The following ATP9B variants were observed in gnomAD, a reference collection of about 807,000 sequenced individuals.
ATP9B encodes the protein ATPase phospholipid transporting 9B.
ATP9B carries 110 observed loss-of-function variants against 146.1 expected under a neutral mutation model. The ratio of observed to expected loss-of-function variants is 0.75; its 90% CI spans 0.65 to 0.88. ATP9B has a LOEUF of 0.88. Ranked by LOEUF, ATP9B falls within the 40% of genes least tolerant of loss-of-function variation. ATP9B has a pLI of 0.00. For synonymous variants in ATP9B, 604 were observed against 569.7 expected (o/e 1.06, Z -0.86); for missense variants, 1,499 against 1,496.4 (o/e 1.00, Z -0.03).
chr18:79,220,051 AGGCTGCTGGGCTGG>A (rs1302532668), intron 11 of ATP9B, among the ~76,000 whole-genome samples: 1 of 152,186 alleles, frequency 6.6e-6, no homozygotes, highest in African/African-American at 2.4e-5. Flanking sequence ...AAGCAGAGAT[AGGCTGCTGGGCTGG>A]TGCAGAGGTT....
At chr18:79,341,285 T>C (rs908134753) in intron 19 of ATP9B, among the ~76,000 whole-genome samples, 8 of 141,984 alleles carry the variant, frequency 5.6e-5, no homozygotes, top group African/African-American at 2.1e-4. Flanking sequence ...GAAGTCTGTG[T>C]TGCCGACACA....
chr18:79,331,226 A>G lies in ATP9B; in HGVS notation c.2028+1122A>G, dbSNP rs373252203. Among the ~76,000 whole-genome samples the G allele has an allele frequency of 5.3e-5, 8 of 152,322 alleles. No individual in the cohort carries two copies. The South Asian group carries it at 8.3e-4, about 16-fold the overall frequency. ...GACCTCAGAGATGGTCTGTCCGTGC[A>G]GCCTCCACACCCCAGTGTTCGCAAC... is the stretch of plus-strand genomic sequence containing the variant. On this transcript the variant is annotated intron_variant, in intron 17 of 29. Transcript: ENST00000426216.
At chr18:79,324,365 C>T (rs1463461090) in intron 15 of ATP9B, among the ~76,000 whole-genome samples, 1 of 152,118 alleles carries the variant, frequency 6.6e-6, no homozygotes, top group Non-Finnish European at 1.5e-5. Flanking sequence ...AGGTCTTATT[C>T]AAGAAGTCTT....
At chr18:79,201,452 AT>A (rs758119675) in intron 9 of ATP9B, among the ~76,000 whole-genome samples, 15 of 152,360 alleles carry the variant, frequency 9.8e-5, no homozygotes, top group Admixed American at 2.6e-4. Context: ...TTAAATAAGA[AT>A]TAGAACAAAT....
chr18:79,257,888 A>C (rs1374379199), intron 12 of ATP9B, among the ~76,000 whole-genome samples: 2 of 152,196 alleles, frequency 1.3e-5, no homozygotes, highest in African/African-American at 4.8e-5. Flanking sequence ...TAAAAGGCCT[A>C]ATGAGAGCTT....
intron 26 of ATP9B, chr18:79,364,024 T>C (rs1313891679): frequency 1.3e-5 from 2 of 151,976 alleles, no homozygotes; most frequent in South Asian, 2.1e-4. Flanking sequence ...TCCCAGCACT[T>C]TGGGAGGCCG....
intron 13 of ATP9B, among the ~76,000 whole-genome samples, chr18:79,281,387 C>T (rs1047139343): frequency 2.6e-5 from 4 of 151,980 alleles, no homozygotes; most frequent in Admixed American, 2.6e-4. Context: ...GTCTTAGCTA[C>T]TCCGGAGGCT....
chr18:79,136,564 G>A (rs2094449919), intron 5 of ATP9B, among the ~76,000 whole-genome samples: 1 of 152,082 alleles, frequency 6.6e-6, no homozygotes, highest in Admixed American at 6.5e-5. Context: ...CAGTGTCAAG[G>A]TTTCCAGTTA....
chr18:79,143,108 A>G (rs2094533799), intron 5 of ATP9B, among the ~76,000 whole-genome samples: 1 of 152,214 alleles, frequency 6.6e-6, no homozygotes. Context: ...AGAGACAGAC[A>G]GAAAGGGAGG....
intron 13 of ATP9B, among the ~76,000 whole-genome samples, chr18:79,296,892 CAGAGAAGACAGAGATGACCCAG>C (rs1183102481): frequency 6.6e-6 from 1 of 151,158 alleles, no homozygotes; most frequent in African/African-American, 2.4e-5. Context: ...GGATGACCCA[CAGAGAAGACAGAGATGACCCAG>C]AGAGAAGACA....
At chr18:79,152,070 A>G (rs2094698969) in intron 6 of ATP9B, among the ~76,000 whole-genome samples, 1 of 152,252 alleles carries the variant, frequency 6.6e-6, no homozygotes, top group Non-Finnish European at 1.5e-5. Context: ...CAAACATGAA[A>G]AAAAGCTCAT....
chr18:79,123,019 A>C (rs1018133329), intron 4 of ATP9B, among the ~76,000 whole-genome samples: 1 of 152,140 alleles, frequency 6.6e-6, no homozygotes, highest in Non-Finnish European at 1.5e-5. Flanking sequence ...TGTTCCCCTT[A>C]AACTTAGGAA....
At chr18:79,229,480 C>A (rs1256411990) in intron 11 of ATP9B, among the ~76,000 whole-genome samples, 1 of 152,174 alleles carries the variant, frequency 6.6e-6, no homozygotes, top group East Asian at 1.9e-4. Flanking sequence ...GCAGAATTTT[C>A]ATAATGGATC....
rs780084479 is a variant in ATP9B at position 79,344,253 on chromosome 18, C to T, written c.2383-12C>T. The T allele has an allele frequency of 3.1e-6, 5 of 1,612,714 alleles. No homozygotes were observed. Among genetic ancestry groups the T allele is most frequent in the Non-Finnish European group, 3.4e-6 (4 of 1,178,754 alleles). ...CATTTTAATTTGGGATTCTTTTTCT[C>T]CCTTAATGGAGGTAACCAGTCGGGG... is the stretch of plus-strand genomic sequence containing the variant. On this transcript the variant is annotated splice_polypyrimidine_tract_variant and intron_variant, in intron 20 of 29. Transcript: ENST00000426216.
At chr18:79,141,510 AT>A (rs2094513826) in intron 5 of ATP9B, among the ~76,000 whole-genome samples, 2 of 152,340 alleles carry the variant, frequency 1.3e-5, no homozygotes, top group South Asian at 2.1e-4. Flanking sequence ...TAAGAAAAAA[AT>A]ATGTCATTAG....
chr18:79,324,479 C>G (rs1016018945), intron 15 of ATP9B, among the ~76,000 whole-genome samples: 6 of 152,086 alleles, frequency 3.9e-5, no homozygotes, highest in African/African-American at 1.4e-4. Flanking sequence ...ATAAGGGTGT[C>G]TTTTAATTTT....
intron 8 of ATP9B, among the ~76,000 whole-genome samples, chr18:79,191,920 A>G (rs1197661674): frequency 6.6e-6 from 1 of 152,006 alleles, no homozygotes; most frequent in Non-Finnish European, 1.5e-5. Flanking sequence ...AGGATTCAGG[A>G]TTCTGTTAGG....
intron 8 of ATP9B, among the ~76,000 whole-genome samples, chr18:79,187,692 T>C (rs935388998): frequency 6.6e-6 from 1 of 152,242 alleles, no homozygotes; most frequent in East Asian, 1.9e-4. Context: ...CAGAGGACTG[T>C]GCTGCCCTGA....
intron 9 of ATP9B, among the ~76,000 whole-genome samples, chr18:79,199,919 G>A (rs1439739431): frequency 1.3e-5 from 2 of 152,190 alleles, no homozygotes; most frequent in Non-Finnish European, 2.9e-5. Context: ...GGATAACAAT[G>A]TGTTTTTCTG....
Sources: gnomAD v4.1 joint callset for allele counts (sites outside exome capture counted in the v4.1 genomes callset) on GRCh38, gnomAD v4.1.1 for gene constraint, MANE v1.5 for transcripts, NCBI Gene and HGNC (gene_info 2026-07-23, HGNC 2026-07-21) for gene names.